The following ARHGAP11B variants were observed in gnomAD, a reference collection of about 807,000 sequenced individuals.
ARHGAP11B encodes inactive Rho GTPase-activating protein 11B.
Under a neutral mutation model 27.6 loss-of-function variants are expected in ARHGAP11B, and 14 were observed. That is an observed-to-expected ratio of 0.51 (90% CI 0.34 to 0.79). The LOEUF is 0.79. Among genes scored for constraint, ARHGAP11B ranks in the 30% least tolerant of loss-of-function variants. The pLI, the probability that ARHGAP11B is intolerant of heterozygous loss-of-function variation, is 0.02. For missense variants in ARHGAP11B, 245 were observed against 320.1 expected (o/e 0.77, Z 1.79); for synonymous variants, 82 against 114.1 (o/e 0.72, Z 1.80).
intron 7 of ARHGAP11B, among the ~76,000 whole-genome samples, chr15:30,639,989 T>TGTGTGTGC (rs2060305561): frequency 6.7e-6 from 1 of 149,510 alleles, no homozygotes; most frequent in African/African-American, 2.5e-5. Context: ...TGTGTGTGTG[T>TGTGTGTGC]GTGTGTGTGT....
intron 2 of ARHGAP11B, among the ~76,000 whole-genome samples, 169 bp downstream of exon 2, chr15:30,630,942 C>CA (rs1210637677): frequency 2.6e-5 from 4 of 151,932 alleles, no homozygotes; most frequent in Non-Finnish European, 4.4e-5. Context: ...CTTGGCGGAG[C>CA]ACACTTGTAG....
exon 4 of ARHGAP11B, chr15:30,634,334 A>C: frequency 1.2e-6 from 2 of 1,613,520 alleles, no homozygotes; most frequent in Non-Finnish European, 1.7e-6. Context: ...AAAAGAATAA[A>C]GCTATACTGT....
At chr15:30,641,490 C>T (rs956508587) in intron 7 of ARHGAP11B, 1 of 151,700 alleles carries the variant, frequency 6.6e-6, no homozygotes, top group Non-Finnish European at 1.5e-5. Flanking sequence ...TGGCCACCAC[C>T]ACACCTGGCT....
intron 8 of ARHGAP11B, chr15:30,645,966 A>T: frequency 6.3e-6 from 1 of 158,168 alleles, no homozygotes; most frequent in Non-Finnish European, 1.4e-5. Context: ...AAATAGAAGT[A>T]GTGTCATCTT....
intron 1 of ARHGAP11B, among the ~76,000 whole-genome samples, chr15:30,627,698 T>G (rs543562257): frequency 6.6e-6 from 1 of 152,164 alleles, no homozygotes; most frequent in Non-Finnish European, 1.5e-5. Flanking sequence ...GGAATTGCAT[T>G]GTGAAAAATA....
chr15:30,642,048 C>G (rs981381646), intron 7 of ARHGAP11B, among the ~76,000 whole-genome samples: 1 of 151,960 alleles, frequency 6.6e-6, no homozygotes, highest in African/African-American at 2.4e-5. Context: ...GACTGCAGCC[C>G]TAGAATAAAG....
intron 1 of ARHGAP11B, among the ~76,000 whole-genome samples, chr15:30,628,551 A>C (rs2140888245): frequency 6.6e-6 from 1 of 152,122 alleles, no homozygotes; most frequent in Middle Eastern, 3.4e-3. Context: ...TGGATTATTT[A>C]GGGATTTTTA....
intron 6 of ARHGAP11B, among the ~76,000 whole-genome samples, chr15:30,636,246 T>G (rs2060279010): frequency 6.6e-6 from 1 of 152,038 alleles, no homozygotes; most frequent in Non-Finnish European, 1.5e-5. Context: ...GTCAGCAATG[T>G]GTGTCAGTAG....
intron 6 of ARHGAP11B, among the ~76,000 whole-genome samples, chr15:30,636,298 A>T (rs937583064): frequency 6.6e-6 from 1 of 152,046 alleles, no homozygotes; most frequent in African/African-American, 2.4e-5. Flanking sequence ...AGTGACATGG[A>T]TTAGTTAGTT....
At chr15:30,631,613 G>C (rs887968775) in intron 2 of ARHGAP11B, among the ~76,000 whole-genome samples, 5 of 152,066 alleles carry the variant, frequency 3.3e-5, no homozygotes, top group Admixed American at 2.0e-4. Flanking sequence ...GCTGCAGTGA[G>C]CTATGCTCAT....
At chr15:30,632,427 GA>G (rs1255750048) in intron 2 of ARHGAP11B, among the ~76,000 whole-genome samples, 4,162 of 142,120 alleles carry the variant, frequency 0.029, 190 homozygotes, top group African/African-American at 0.1. Context: ...AAAACTAAAA[GA>G]AAAAAAAAAA....
chr15:30,644,616 G>A (rs1336582357), intron 7 of ARHGAP11B: 1 of 1,497,278 alleles, frequency 6.7e-7, no homozygotes, highest in South Asian at 1.1e-5. Flanking sequence ...TGTCTCAAAA[G>A]GTTTTATTTT....
intron 7 of ARHGAP11B, chr15:30,641,402 C>T (rs1037445786): frequency 5.3e-5 from 8 of 150,174 alleles, no homozygotes; most frequent in Non-Finnish European, 1.0e-4. Flanking sequence ...ATGGCACAAT[C>T]TCGGCTCACT....
chr15:30,632,473 T>C (rs1393580008), intron 2 of ARHGAP11B, among the ~76,000 whole-genome samples: 1 of 151,922 alleles, frequency 6.6e-6, no homozygotes, highest in African/African-American at 2.4e-5. Flanking sequence ...CAAAGTCATA[T>C]TCCCAGGAAT....
chr15:30,627,736 A>G (rs2060219158), intron 1 of ARHGAP11B, among the ~76,000 whole-genome samples: 1 of 152,046 alleles, frequency 6.6e-6, no homozygotes, highest in Non-Finnish European at 1.5e-5. Context: ...TTTATTTTAA[A>G]TTTATGTGCC....
intron 8 of ARHGAP11B, among the ~76,000 whole-genome samples, chr15:30,645,252 T>A (rs924301273): frequency 1.3e-5 from 2 of 152,032 alleles, no homozygotes; most frequent in African/African-American, 4.8e-5. Flanking sequence ...CAAATTATAT[T>A]TTAAGCTGTT....
In ARHGAP11B at chr15:30,634,380, G is replaced by C. The variant is rs751138607; in HGVS notation, c.508G>C (p.Val170Leu). ...TCTTCTGGCTGACCACACAGTTCAT[G>C]TATTAAGATACTTCTTTAACTTTCT... Residue 170 changes from valine (V) to leucine (L), a missense_variant, in exon 4 of 11, where the codon GTA (valine) becomes CTA (leucine). By Grantham distance (32) the Val-to-Leu change is conservative. Transcript: ENST00000428041. The C allele has an allele frequency of 1.5e-5, 25 of 1,613,200 alleles. No individual in the cohort carries two copies. The highest frequency in any genetic ancestry group is 3.3e-5 in the Admixed American group (2 of 59,854).
At chr15:30,637,722 A>T (rs147107522) in intron 6 of ARHGAP11B, among the ~76,000 whole-genome samples, 5,296 of 151,850 alleles carry the variant, frequency 0.035, 113 homozygotes, top group South Asian at 0.058. Context: ...CAACATAGCG[A>T]GACTCCGTCT....
intron 7 of ARHGAP11B, among the ~76,000 whole-genome samples, chr15:30,640,012 G>A (rs1309383247): frequency 7.0e-6 from 1 of 143,410 alleles, no homozygotes; most frequent in East Asian, 2.0e-4. Flanking sequence ...GTGTGTGTGT[G>A]TTATGACAAC....
Sources: allele counts gnomAD v4.1 joint callset (sites outside exome capture counted in the v4.1 genomes callset), GRCh38; gene constraint gnomAD v4.1.1; transcripts MANE v1.5; gene names NCBI Gene and HGNC (gene_info 2026-07-23, HGNC 2026-07-21).